The following GNAQ variants were observed in gnomAD, a reference collection of about 807,000 sequenced individuals.
GNAQ encodes guanine nucleotide-binding protein G(q) subunit alpha.
In GNAQ, 8 loss-of-function variants were observed where a neutral mutation model predicts 43.9. That is an observed-to-expected ratio of 0.18 (90% CI 0.11 to 0.33). The LOEUF is 0.33. Ranked by LOEUF, GNAQ falls within the 10% of genes least tolerant of loss-of-function variation. The pLI, the probability that GNAQ is intolerant of heterozygous loss-of-function variation, is 1.00. For missense variants in GNAQ, 158 were observed against 450.8 expected, an observed-to-expected ratio of 0.35 and a Z score of 5.88; for synonymous variants, 155 against 170.7, an observed-to-expected ratio of 0.91 and a Z score of 0.71.
intron 2 of GNAQ, among the ~76,000 whole-genome samples, chr9:77,846,410 C>T (rs996733338): frequency 2.6e-5 from 4 of 152,076 alleles, no homozygotes; most frequent in Admixed American, 6.6e-5. Flanking sequence ...GTTATTGTTG[C>T]CCAGCTAGAA....
At chr9:77,764,587 C>A (rs1826103814) in intron 5 of GNAQ, among the ~76,000 whole-genome samples, 1 of 152,034 alleles carries the variant, frequency 6.6e-6, no homozygotes, top group Non-Finnish European at 1.5e-5. Context: ...TCCCGAGTAA[C>A]TGGGACTACA....
Position 77,930,898 on chromosome 9 carries a change from G to T in GNAQ, c.137-8553C>A, listed in dbSNP as rs1452060758. 2.0e-5 allele frequency among the ~76,000 whole-genome samples: 3 copies of T among 152,162 alleles called. No homozygotes were observed. In the East Asian group the frequency reaches 5.8e-4, roughly 30 times the overall value. On this transcript the variant is annotated intron_variant, in intron 1 of 6. Coordinates refer to ENST00000286548, the MANE Select transcript of GNAQ (RefSeq NM_002072.5). ...CGGGCCGCACAGCAAGAGAGTGGCA[G>T]GCATTACTGCCTGAGCTATGCCCTC... is the stretch of plus-strand genomic sequence containing the variant.
intron 4 of GNAQ, 46 bp from the exon 5 acceptor site, chr9:77,794,638 T>G (rs1226829809): frequency 3.1e-6 from 4 of 1,281,862 alleles, no homozygotes; most frequent in Non-Finnish European, 4.4e-6. Flanking sequence ...AAAGTAAAAC[T>G]AAAAAGTCAA....
At chr9:77,806,905 T>G (rs1015531389) in intron 3 of GNAQ, among the ~76,000 whole-genome samples, 1 of 152,040 alleles carries the variant, frequency 6.6e-6, no homozygotes, top group Non-Finnish European at 1.5e-5. Context: ...GTAATATGGG[T>G]CAAAAGAGAG....
intron 2 of GNAQ, among the ~76,000 whole-genome samples, chr9:77,825,467 C>A (rs1448792481): frequency 1.3e-5 from 2 of 152,152 alleles, no homozygotes; most frequent in African/African-American, 4.8e-5. Flanking sequence ...CTGATTCAAG[C>A]AGACGGTAAA....
At chr9:77,950,878 T>C (rs1298354645) in intron 1 of GNAQ, among the ~76,000 whole-genome samples, 6 of 152,056 alleles carry the variant, frequency 3.9e-5, no homozygotes, top group Admixed American at 6.5e-5. Context: ...CTATAAAACA[T>C]AATACTGCGG....
At chr9:77,741,269 C>T (rs373408092) in intron 5 of GNAQ, among the ~76,000 whole-genome samples, 1 of 152,202 alleles carries the variant, frequency 6.6e-6, no homozygotes. Context: ...ATAATTATCA[C>T]AGCCACCTGA....
chr9:77,809,562 G>C (rs369500415), intron 3 of GNAQ, among the ~76,000 whole-genome samples: 36 of 152,254 alleles, frequency 2.4e-4, no homozygotes, highest in African/African-American at 7.0e-4. Context: ...TAACGAAAAA[G>C]TTAATAAAGT....
At chr9:77,799,206 A>G (rs1039167814) in intron 3 of GNAQ, among the ~76,000 whole-genome samples, 1 of 152,220 alleles carries the variant, frequency 6.6e-6, no homozygotes, top group African/African-American at 2.4e-5. Flanking sequence ...ACTACAAAGT[A>G]TATGCACAAA....
At chr9:77,926,556 A>G (rs949891009) in intron 1 of GNAQ, among the ~76,000 whole-genome samples, 2 of 152,226 alleles carry the variant, frequency 1.3e-5, no homozygotes, top group Non-Finnish European at 2.9e-5. Context: ...CACTGGTACT[A>G]TAAAATCTGG....
chr9:77,928,557 T>A (rs1359834223), intron 1 of GNAQ, among the ~76,000 whole-genome samples: 1 of 152,178 alleles, frequency 6.6e-6, no homozygotes, highest in Non-Finnish European at 1.5e-5. Flanking sequence ...GACTTCTCAG[T>A]GTGGTAAAAT....
chr9:78,021,928 C>T (rs796098404), intron 1 of GNAQ, among the ~76,000 whole-genome samples: 4 of 152,342 alleles, frequency 2.6e-5, no homozygotes, highest in African/African-American at 9.6e-5. Flanking sequence ...CTGTGCCTCC[C>T]AGGATATCGC....
intron 2 of GNAQ, among the ~76,000 whole-genome samples, chr9:77,908,042 A>G (rs1828739864): frequency 6.6e-6 from 1 of 152,188 alleles, no homozygotes; most frequent in South Asian, 2.1e-4. Flanking sequence ...CAGGTATTTT[A>G]AACATTTTTC....
chr9:77,803,673 T>A (rs1485359602), intron 3 of GNAQ, among the ~76,000 whole-genome samples: 1 of 152,190 alleles, frequency 6.6e-6, no homozygotes, highest in Non-Finnish European at 1.5e-5. Flanking sequence ...GTTTATCAAT[T>A]TGTGGGGAAA....
chr9:78,003,518 A>C (rs1469689484), intron 1 of GNAQ, among the ~76,000 whole-genome samples: 1 of 152,178 alleles, frequency 6.6e-6, no homozygotes, highest in Non-Finnish European at 1.5e-5. Context: ...ACTGAGACTA[A>C]AAATGACAAG....
intron 5 of GNAQ, among the ~76,000 whole-genome samples, chr9:77,762,913 G>C (rs1236607565): frequency 6.6e-6 from 1 of 151,988 alleles, no homozygotes; most frequent in Non-Finnish European, 1.5e-5. Context: ...TGCTCGTTAA[G>C]AGTCATCACC....
Position 77,717,962 on chromosome 9 carries a change from A to G in GNAQ, c.*3361T>C, listed in dbSNP as rs953014657. 1 of 232,644 alleles carries G rather than the reference A, an allele frequency of 4.3e-6. No individual in the cohort carries two copies. Among genetic ancestry groups the G allele is most frequent in the African/African-American group, 2.2e-5 (1 of 45,324 alleles). The allele number at this position is 232,644 out of a possible 1,614,324, so 14.4% of individuals were successfully genotyped here. Reference sequence around the variant, plus strand: ...TCAGATATGAGGCACAAACTTCTGAATTTAAGCTCTGTAAGGCATAGTAGA... The same window carrying G: ...TCAGATATGAGGCACAAACTTCTGAGTTTAAGCTCTGTAAGGCATAGTAGA... On this transcript the variant is annotated 3_prime_UTR_variant, in exon 7 of 7. Transcript: ENST00000286548.
intron 2 of GNAQ, among the ~76,000 whole-genome samples, chr9:77,921,940 A>G (rs1037312627): frequency 6.6e-6 from 1 of 152,238 alleles, no homozygotes; most frequent in African/African-American, 2.4e-5. Context: ...CACTAAAAAT[A>G]CAAATCTGGT....
At chr9:77,751,039 G>A (rs1339461984) in intron 5 of GNAQ, among the ~76,000 whole-genome samples, 1 of 152,058 alleles carries the variant, frequency 6.6e-6, no homozygotes. Flanking sequence ...TTTCCCTTTT[G>A]GTGTATTCCT....
Sources: gnomAD v4.1 joint callset for allele counts (sites outside exome capture counted in the v4.1 genomes callset) on GRCh38, gnomAD v4.1.1 for gene constraint, MANE v1.5 for transcripts, NCBI Gene and HGNC (gene_info 2026-07-23, HGNC 2026-07-21) for gene names.